XKR4: variants seen among roughly 807,000 people sequenced by gnomAD.
The protein encoded by XKR4 is XK-related protein 4.
XKR4 carries 12 observed loss-of-function variants against 53.9 expected under a neutral mutation model. That is an observed-to-expected ratio of 0.22 (90% confidence interval 0.14 to 0.36). XKR4 has a LOEUF of 0.36. Among genes scored for constraint, XKR4 ranks in the 10% least tolerant of loss-of-function variants. XKR4 has a pLI of 1.00. For synonymous variants in XKR4, 354 were observed against 362.4 expected (o/e 0.98, Z 0.26); for missense variants, 799 against 859.5 (o/e 0.93, Z 0.88).
intron 1 of XKR4, among the ~76,000 whole-genome samples, chr8:55,255,427 C>A (rs1459357138): frequency 6.6e-6 from 1 of 152,132 alleles, no homozygotes; most frequent in Non-Finnish European, 1.5e-5. Flanking sequence ...CAGCATTTAT[C>A]CCAATAACTT....
At chr8:55,206,614 A>T (rs1817655092) in intron 1 of XKR4, among the ~76,000 whole-genome samples, 1 of 152,168 alleles carries the variant, frequency 6.6e-6, no homozygotes, top group Admixed American at 6.6e-5. Flanking sequence ...GATAAAGAAA[A>T]CCCCAACTTC....
intron 1 of XKR4, among the ~76,000 whole-genome samples, chr8:55,104,847 G>C (rs1228302190): frequency 1.3e-5 from 2 of 152,176 alleles, no homozygotes; most frequent in Non-Finnish European, 2.9e-5. Context: ...CTTATAGCTT[G>C]ATGCTCTTCA....
intron 2 of XKR4, among the ~76,000 whole-genome samples, chr8:55,381,027 T>G (rs987432928): frequency 2.6e-5 from 4 of 152,208 alleles, no homozygotes; most frequent in African/African-American, 9.6e-5. Flanking sequence ...ATTTCACATC[T>G]AAGAATAAAT....
At chr8:55,333,232 G>A (rs369301249) in intron 1 of XKR4, among the ~76,000 whole-genome samples, 116 of 152,004 alleles carry the variant, frequency 7.6e-4, no homozygotes, top group African/African-American at 2.6e-3. Flanking sequence ...GTGTTTCTTC[G>A]GGGTTGGTTT....
intron 2 of XKR4, among the ~76,000 whole-genome samples, chr8:55,442,563 T>C (rs915244002): frequency 2.0e-5 from 3 of 152,002 alleles, no homozygotes; most frequent in African/African-American, 4.8e-5. Context: ...CAGCCAAAAA[T>C]AGAAAAAACC....
At chr8:55,273,793 T>G (rs1043796198) in intron 1 of XKR4, among the ~76,000 whole-genome samples, 1 of 152,172 alleles carries the variant, frequency 6.6e-6, no homozygotes, top group Non-Finnish European at 1.5e-5. Flanking sequence ...GAGACTGATT[T>G]GAGTAATAAT....
chr8:55,214,908 A>G (rs1477747252), intron 1 of XKR4, among the ~76,000 whole-genome samples: 2 of 152,212 alleles, frequency 1.3e-5, no homozygotes, highest in Non-Finnish European at 2.9e-5. Context: ...AAATACACAT[A>G]TAAAAGAAGA....
rs752177649 is a variant in XKR4 at position 55,357,858 on chromosome 8, T to C, written c.987T>C (p.His329=). Residue 329 remains histidine (H), a synonymous_variant, in exon 2 of 3, where the codon CAT becomes CAC. Transcript: ENST00000327381. ...VLQLCIIVQT[H]SLQALQGFTA... ...AGCTCTGCATTATCGTACAGACTCATAGCTTACAGGCCCTCCAAGGTAAGG... is the reference window on the plus strand; with the variant it reads ...AGCTCTGCATTATCGTACAGACTCACAGCTTACAGGCCCTCCAAGGTAAGG... The C allele has an allele frequency of 2.8e-5, 45 of 1,613,362 alleles. No homozygotes were observed. Among genetic ancestry groups the C allele is most frequent in the Non-Finnish European group, 3.7e-5 (44 of 1,179,340 alleles).
chr8:55,415,641 C>A (rs1804835915), intron 2 of XKR4, among the ~76,000 whole-genome samples: 2 of 152,174 alleles, frequency 1.3e-5, no homozygotes, highest in Non-Finnish European at 2.9e-5. Context: ...GCCACTGTTA[C>A]AGAAGAATTC....
At chr8:55,144,265 A>C (rs1165642676) in intron 1 of XKR4, among the ~76,000 whole-genome samples, 1 of 152,152 alleles carries the variant, frequency 6.6e-6, no homozygotes, top group Non-Finnish European at 1.5e-5. Flanking sequence ...AATGTTAAAC[A>C]TCTAGAGAAT....
At chr8:55,267,380 C>T (rs1818622831) in intron 1 of XKR4, among the ~76,000 whole-genome samples, 2 of 152,108 alleles carry the variant, frequency 1.3e-5, no homozygotes, top group African/African-American at 4.8e-5. Flanking sequence ...TCCAGCAACC[C>T]TGTGGAGTAA....
chr8:55,516,537 C>T (rs546284031), intron 2 of XKR4, among the ~76,000 whole-genome samples: 1 of 152,170 alleles, frequency 6.6e-6, no homozygotes, highest in South Asian at 2.1e-4. Context: ...AAGATGTTTG[C>T]AATGATGTTG....
At chr8:55,184,556 T>A (rs1817352626) in intron 1 of XKR4, among the ~76,000 whole-genome samples, 2 of 152,190 alleles carry the variant, frequency 1.3e-5, no homozygotes, top group South Asian at 4.1e-4. Context: ...AAGTTGTGTA[T>A]TTTTCTGCTG....
intron 1 of XKR4, among the ~76,000 whole-genome samples, chr8:55,104,621 A>G (rs1025867695): frequency 6.6e-6 from 1 of 152,154 alleles, no homozygotes; most frequent in African/African-American, 2.4e-5. Flanking sequence ...CTGGGACCAG[A>G]GCTTTGTAAA....
intron 1 of XKR4, among the ~76,000 whole-genome samples, chr8:55,180,932 C>A (rs1455348111): frequency 6.6e-6 from 1 of 152,156 alleles, no homozygotes. Context: ...AGTTACTTGA[C>A]ACAGATCACA....
intron 1 of XKR4, among the ~76,000 whole-genome samples, chr8:55,137,572 C>CTTTT (rs369443865): frequency 2.3e-5 from 3 of 130,792 alleles, no homozygotes; most frequent in African/African-American, 8.4e-5. Flanking sequence ...CAGAAGAGAA[C>CTTTT]TTTTTTTTTT....
chr8:55,483,081 G>A (rs968765210), intron 2 of XKR4, among the ~76,000 whole-genome samples: 1 of 152,142 alleles, frequency 6.6e-6, no homozygotes, highest in Non-Finnish European at 1.5e-5. Flanking sequence ...GGTGGTGGTA[G>A]ACATTCATCC....
intron 1 of XKR4, among the ~76,000 whole-genome samples, chr8:55,296,723 A>C (rs1049194164): frequency 2.6e-5 from 4 of 152,138 alleles, no homozygotes; most frequent in Non-Finnish European, 5.9e-5. Flanking sequence ...AAACTGCCCA[A>C]GACTATGCAG....
chr8:55,227,396 C>T (rs1817968214), intron 1 of XKR4, among the ~76,000 whole-genome samples: 1 of 152,136 alleles, frequency 6.6e-6, no homozygotes, highest in African/African-American at 2.4e-5. Flanking sequence ...AGGGTGGTAC[C>T]AACACTTGCT....
Sources: gnomAD v4.1 joint callset for allele counts (sites outside exome capture counted in the v4.1 genomes callset) on GRCh38, gnomAD v4.1.1 for gene constraint, MANE v1.5 for transcripts, NCBI Gene and HGNC (gene_info 2026-07-23, HGNC 2026-07-21) for gene names.